Variants in PRKN observed in about 807,000 individuals in gnomAD.
PRKN encodes the protein E3 ubiquitin-protein ligase parkin.
PRKN carries 56 observed loss-of-function variants against 59.5 expected under a neutral mutation model. The observed-to-expected ratio is 0.94, with a 90% CI of 0.76 to 1.18. The LOEUF is 1.18. PRKN is among the 50% of genes most tolerant of loss of function. PRKN has a pLI of 0.00. For synonymous variants in PRKN, 250 were observed against 222.1 expected, an observed-to-expected ratio of 1.13 and a Z score of -1.12; for missense variants, 657 against 596.4, an observed-to-expected ratio of 1.10 and a Z score of -1.06.
At chr6:162,595,128 C>T (rs1472283633) in intron 1 of PRKN, among the ~76,000 whole-genome samples, 2 of 151,990 alleles carry the variant, frequency 1.3e-5, no homozygotes, top group Admixed American at 1.3e-4. Context: ...GAGCTGAGAT[C>T]GTGCCACTGC....
Position 162,479,757 on chromosome 6 carries a change from G to GTTTTTTTT in PRKN, c.8-36292_8-36285dup, listed in dbSNP as rs749892002. 4.6e-4 allele frequency among the ~76,000 whole-genome samples: 69 copies of GTTTTTTTT among 148,568 alleles called. 4 individuals are homozygous for GTTTTTTTT. Among genetic ancestry groups the GTTTTTTTT allele is most frequent in the Non-Finnish European group, 4.0e-4 (27 of 67,272 alleles). Reference sequence around the variant, plus strand: ...GCCTGAGGCTGTTTTACAGTTATCTGTTTTTTTTTCTCAAAAATAATTAGT... The same window carrying GTTTTTTTT: ...GCCTGAGGCTGTTTTACAGTTATCTGTTTTTTTTTTTTTTTTTCTCAAAAATAATTAGT... On this transcript the variant is annotated intron_variant, in intron 1 of 11. Transcript: ENST00000366898.
At chr6:162,424,684 G>A (rs1397975317) in intron 2 of PRKN, among the ~76,000 whole-genome samples, 1 of 150,954 alleles carries the variant, frequency 6.6e-6, no homozygotes, top group Admixed American at 6.6e-5. Flanking sequence ...GCAGTGAGCC[G>A]AGATCACGCC....
chr6:161,776,157 C>T (rs1012409074), intron 7 of PRKN, among the ~76,000 whole-genome samples: 6 of 152,132 alleles, frequency 3.9e-5, no homozygotes, highest in South Asian at 2.1e-4. Flanking sequence ...TGCATAGTAG[C>T]CATCATTCTA....
At chr6:162,617,047 A>T (rs1369576483) in intron 1 of PRKN, among the ~76,000 whole-genome samples, 1 of 152,162 alleles carries the variant, frequency 6.6e-6, no homozygotes, top group African/African-American at 2.4e-5. Context: ...AGATCTTAAA[A>T]TTTTTAATTG....
At chr6:161,871,914 T>A (rs9355365) in intron 6 of PRKN, among the ~76,000 whole-genome samples, 1 of 152,078 alleles carries the variant, frequency 6.6e-6, no homozygotes, top group African/African-American at 2.4e-5. Flanking sequence ...CTGACCGTCT[T>A]CTGTGTGCCA....
intron 1 of PRKN, among the ~76,000 whole-genome samples, chr6:162,613,301 GT>G (rs1256542477): frequency 6.6e-6 from 1 of 152,192 alleles, no homozygotes; most frequent in African/African-American, 2.4e-5. Flanking sequence ...AAGTAAACCT[GT>G]TTTTTAGGGA....
intron 6 of PRKN, among the ~76,000 whole-genome samples, chr6:161,853,220 A>G (rs12527789): frequency 0.12 from 18,220 of 152,182 alleles, 1,262 homozygotes; most frequent in East Asian, 0.33. Context: ...TTTTACTGAA[A>G]ACTGTTTTTA....
At chr6:162,647,977 A>AAAAAG (rs1778260387) in intron 1 of PRKN, among the ~76,000 whole-genome samples, 3 of 139,272 alleles carry the variant, frequency 2.2e-5, no homozygotes, top group Non-Finnish European at 4.7e-5. Context: ...AAAAAAAAAA[A>AAAAAG]GTCTACGGGG....
At chr6:161,760,555 G>T in intron 7 of PRKN, among the ~76,000 whole-genome samples, 1 of 151,966 alleles carries the variant, frequency 6.6e-6, no homozygotes, top group Middle Eastern at 3.4e-3. Flanking sequence ...CAGGCTGAGC[G>T]CCGGAAGCCG....
chr6:162,592,081 C>A (rs1781332665), intron 1 of PRKN, among the ~76,000 whole-genome samples: 2 of 152,166 alleles, frequency 1.3e-5, no homozygotes, highest in South Asian at 4.1e-4. Flanking sequence ...CTCACTGCAA[C>A]CTCCACCTCC....
intron 1 of PRKN, among the ~76,000 whole-genome samples, chr6:162,588,013 GTTTTTT>G (rs71004102): frequency 7.3e-6 from 1 of 136,668 alleles, no homozygotes; most frequent in Non-Finnish European, 1.6e-5. Context: ...GAGTTTTTGA[GTTTTTT>G]TTTTTTTTTT....
rs1329343989 is a variant in PRKN at position 161,566,551 on chromosome 6, C to T, written c.933+2804G>A. Among the ~76,000 whole-genome samples, 8 of 152,252 alleles carry T rather than the reference C, an allele frequency of 5.3e-5. No individual in the cohort carries two copies. The highest frequency in any genetic ancestry group is 6.5e-5 in the Admixed American group (1 of 15,292). ...CCTCCTGAGTAGCTGAGATTACAGG[C>T]GCCCGCCACCACACCCAGCTAACTT... On this transcript the variant is annotated intron_variant, in intron 8 of 11. Coordinates refer to ENST00000366898, the MANE Select transcript of PRKN (RefSeq NM_004562.3). This position sits in a 1 kb window ranked among gnomAD's most constrained non-coding sequence, Gnocchi z 4.1.
intron 10 of PRKN, among the ~76,000 whole-genome samples, chr6:161,383,361 A>G (rs1786080245): frequency 6.6e-6 from 1 of 152,252 alleles, no homozygotes; most frequent in Non-Finnish European, 1.5e-5. Flanking sequence ...GAAGATTGGT[A>G]AATTCGCTCA....
intron 5 of PRKN, among the ~76,000 whole-genome samples, chr6:162,021,139 T>A (rs1562465372): frequency 0.022 from 117 of 5,232 alleles, 9 homozygotes; most frequent in Admixed American, 0.055. Flanking sequence ...TATATATATA[T>A]ATATATATAT....
intron 1 of PRKN, among the ~76,000 whole-genome samples, chr6:162,707,667 C>T (rs1274940881): frequency 6.6e-6 from 1 of 151,850 alleles, no homozygotes; most frequent in Non-Finnish European, 1.5e-5. Flanking sequence ...CTCCAACTCC[C>T]GGGTTCAAGT....
intron 6 of PRKN, among the ~76,000 whole-genome samples, chr6:161,862,562 AT>A (rs1199333677): frequency 6.6e-6 from 1 of 152,160 alleles, no homozygotes; most frequent in African/African-American, 2.4e-5. Flanking sequence ...AAGAGTATAA[AT>A]TCCCATGAGC....
intron 1 of PRKN, among the ~76,000 whole-genome samples, chr6:162,714,521 A>C (rs1778652069): frequency 6.6e-6 from 1 of 152,190 alleles, no homozygotes; most frequent in Non-Finnish European, 1.5e-5. Context: ...GGCATTATAA[A>C]TACCCCCTGA....
At chr6:162,141,147 T>A (rs2128310857) in intron 4 of PRKN, among the ~76,000 whole-genome samples, 1 of 147,006 alleles carries the variant, frequency 6.8e-6, no homozygotes, top group Admixed American at 6.8e-5. Context: ...AATAAATAAA[T>A]AAATAAAAAT....
intron 9 of PRKN, among the ~76,000 whole-genome samples, chr6:161,501,942 TG>T (rs2115304341): frequency 6.6e-6 from 1 of 152,206 alleles, no homozygotes; most frequent in African/African-American, 2.4e-5. Context: ...GCGGCTGTTC[TG>T]GGGGAAGATA....
Sources: allele counts gnomAD v4.1 joint callset (sites outside exome capture counted in the v4.1 genomes callset), GRCh38; gene constraint gnomAD v4.1.1; non-coding constraint Gnocchi (gnomAD v3.1); transcripts MANE v1.5; gene names NCBI Gene and HGNC (gene_info 2026-07-23, HGNC 2026-07-21).